The following TBC1D22A variants were observed in gnomAD, a reference collection of about 807,000 sequenced individuals.
TBC1D22A encodes the protein TBC1 domain family member 22A, also known as putative GTPase activator.
A neutral mutation model predicts 60.2 loss-of-function variants in TBC1D22A; 38 were observed. The ratio of observed to expected loss-of-function variants is 0.63; its 90% confidence interval spans 0.49 to 0.83. TBC1D22A has a LOEUF of 0.83. Ranked by LOEUF, TBC1D22A falls within the 40% of genes least tolerant of loss-of-function variation. TBC1D22A has a pLI of 0.00. For missense variants in TBC1D22A, 628 were observed against 701.0 expected, an observed-to-expected ratio of 0.90 and a Z score of 1.18; for synonymous variants, 302 against 281.7, an observed-to-expected ratio of 1.07 and a Z score of -0.72.
chr22:46,995,307 G>T (rs945083565), intron 9 of TBC1D22A, among the ~76,000 whole-genome samples: 3 of 152,210 alleles, frequency 2.0e-5, no homozygotes, highest in Admixed American at 2.0e-4. Flanking sequence ...AGATGTGACA[G>T]TTTGGAATCC....
At chr22:47,071,641 ACT>A (rs2063994371) in intron 11 of TBC1D22A, among the ~76,000 whole-genome samples, 1 of 152,018 alleles carries the variant, frequency 6.6e-6, no homozygotes, top group South Asian at 2.1e-4. Flanking sequence ...TTTAAACAAG[ACT>A]CTGTCCATTA....
rs544053377 is a variant in TBC1D22A at position 47,063,108 on chromosome 22, A to G, written c.1329+25910A>G. On this transcript the variant is annotated intron_variant, in intron 11 of 12. Transcript: ENST00000337137. The stretch of plus-strand genomic sequence containing the variant: ...GTGCAGGAGCAGCAGGACTCGGTGG[A>G]GGATGGACAGAAGGAGGAGTCTAGG... Among the ~76,000 whole-genome samples, 4 of 152,216 alleles carry G rather than the reference A, an allele frequency of 2.6e-5. No individual in the cohort carries two copies. The South Asian group carries it at 8.3e-4, about 32-fold the overall frequency.
chr22:46,901,483 A>G (rs1379592664), intron 7 of TBC1D22A, among the ~76,000 whole-genome samples: 11 of 152,260 alleles, frequency 7.2e-5, no homozygotes. Context: ...CGTGGGCTGT[A>G]AATTAACGTA....
chr22:46,910,305 G>T (rs571122417), intron 7 of TBC1D22A, among the ~76,000 whole-genome samples: 110 of 152,192 alleles, frequency 7.2e-4, no homozygotes, highest in African/African-American at 2.6e-3. Context: ...TCCTTGGGTT[G>T]AGAGACTTCA....
At chr22:46,996,642 C>T (rs921114010) in intron 9 of TBC1D22A, among the ~76,000 whole-genome samples, 7 of 152,230 alleles carry the variant, frequency 4.6e-5, no homozygotes, top group Admixed American at 1.3e-4. Flanking sequence ...CTGTTAACCA[C>T]GAGTCTGGTT....
At chr22:47,024,788 T>C (rs1010906455) in intron 10 of TBC1D22A, among the ~76,000 whole-genome samples, 2 of 151,872 alleles carry the variant, frequency 1.3e-5, no homozygotes, top group African/African-American at 4.8e-5. Flanking sequence ...GCCCAGGAAG[T>C]CAAGGCTGCA....
chr22:46,899,463 T>C (rs1602375816), intron 7 of TBC1D22A, among the ~76,000 whole-genome samples: 1 of 151,440 alleles, frequency 6.6e-6, no homozygotes, highest in East Asian at 1.9e-4. Context: ...AAAAAAAAAT[T>C]TGTCTTGTGT....
intron 12 of TBC1D22A, among the ~76,000 whole-genome samples, chr22:47,167,919 G>A (rs1436662959): frequency 1.3e-5 from 2 of 152,178 alleles, no homozygotes; most frequent in African/African-American, 2.4e-5. Context: ...GGTTTCACTG[G>A]GGACCCATCC....
chr22:46,957,843 G>A (rs886617232), intron 8 of TBC1D22A, among the ~76,000 whole-genome samples: 1 of 152,200 alleles, frequency 6.6e-6, no homozygotes, highest in Non-Finnish European at 1.5e-5. Context: ...GGGGAGGGAC[G>A]GCCATCAAAC....
chr22:46,933,405 A>G (rs955712281), intron 8 of TBC1D22A, among the ~76,000 whole-genome samples: 1 of 152,222 alleles, frequency 6.6e-6, no homozygotes, highest in Admixed American at 6.5e-5. Flanking sequence ...GATTTTCAGC[A>G]TGGCTTGGAA....
chr22:46,914,984 A>G (rs1436635192), intron 8 of TBC1D22A: 14 of 203,886 alleles, frequency 6.9e-5, no homozygotes, highest in Non-Finnish European at 1.2e-4. Context: ...CGGGATGAGG[A>G]GGAGGCTAGA....
At chr22:47,007,059 G>C (rs1035026531) in intron 10 of TBC1D22A, among the ~76,000 whole-genome samples, 1 of 152,198 alleles carries the variant, frequency 6.6e-6, no homozygotes, top group African/African-American at 2.4e-5. Context: ...CGGTACACCT[G>C]CTGGGAGGGG....
chr22:47,081,640 G>C (rs1389992110), intron 11 of TBC1D22A, among the ~76,000 whole-genome samples: 3 of 152,064 alleles, frequency 2.0e-5, no homozygotes, highest in Non-Finnish European at 4.4e-5. Flanking sequence ...AAAATCAAAT[G>C]TATTTCTGTA....
intron 4 of TBC1D22A, among the ~76,000 whole-genome samples, chr22:46,810,682 G>A (rs939720038): frequency 2.6e-5 from 4 of 152,172 alleles, no homozygotes; most frequent in African/African-American, 9.7e-5. Flanking sequence ...CCTACCTCAG[G>A]TATTCCTCAT....
At chr22:47,053,838 A>G (rs2063306717) in intron 11 of TBC1D22A, among the ~76,000 whole-genome samples, 1 of 152,230 alleles carries the variant, frequency 6.6e-6, no homozygotes, top group African/African-American at 2.4e-5. Flanking sequence ...TTAATCTTCC[A>G]GGAACAACAA....
At chr22:46,903,831 G>A (rs1172778641) in intron 7 of TBC1D22A, among the ~76,000 whole-genome samples, 2 of 152,190 alleles carry the variant, frequency 1.3e-5, no homozygotes, top group African/African-American at 2.4e-5. Flanking sequence ...GAGGCACTGG[G>A]TAGTGGTTGG....
chr22:46,866,489 A>G (rs1189213051), intron 4 of TBC1D22A, among the ~76,000 whole-genome samples: 1 of 152,242 alleles, frequency 6.6e-6, no homozygotes, highest in East Asian at 1.9e-4. Context: ...ACACCTGTCA[A>G]GCGGCAAGCA....
rs1292419663 is a variant in TBC1D22A at position 46,805,832 on chromosome 22, G to GTCC, written c.637+8214_637+8216dup. Among the ~76,000 whole-genome samples, 10 of 137,758 alleles carry GTCC rather than the reference G, an allele frequency of 7.3e-5. No homozygotes were observed. The East Asian group carries it at 2.1e-3, about 29-fold the overall frequency. The allele number at this position is 137,758 out of a possible 152,430, so 90.4% of individuals were successfully genotyped here. A position where few individuals can be genotyped will look rare whatever the true frequency, so the allele number is the denominator to read the frequency against. On this transcript the variant is annotated intron_variant, in intron 4 of 12. Transcript: ENST00000337137. Reference sequence around the variant, plus strand: ...ATTTCTGGTTCCTTAATGTCTTTCTGTCCTTCTTCTTCTTCTTCTTCTTTT... The same window carrying GTCC: ...ATTTCTGGTTCCTTAATGTCTTTCTGTCCTCCTTCTTCTTCTTCTTCTTCTTTT...
At chr22:46,774,889 C>G (rs759338211) in intron 1 of TBC1D22A, among the ~76,000 whole-genome samples, 1 of 152,354 alleles carries the variant, frequency 6.6e-6, no homozygotes, top group African/African-American at 2.4e-5. Context: ...CGGAGCCCGG[C>G]CGATGCTGAT....
Sources: allele counts gnomAD v4.1 joint callset (sites outside exome capture counted in the v4.1 genomes callset), GRCh38; gene constraint gnomAD v4.1.1; transcripts MANE v1.5; gene names NCBI Gene and HGNC (gene_info 2026-07-23, HGNC 2026-07-21).